MGAM: variants seen among roughly 807,000 people sequenced by gnomAD.
The protein encoded by MGAM is maltase-glucoamylase, also known as alpha-1,4-glucosidase.
MGAM carries 253 observed loss-of-function variants against 358.8 expected under a neutral mutation model. That is an observed-to-expected ratio of 0.71 (90% CI 0.64 to 0.78). MGAM has a LOEUF of 0.78. Among genes scored for constraint, MGAM ranks in the 30% least tolerant of loss-of-function variants. MGAM has a pLI of 0.00. For missense variants in MGAM, 3,080 were observed against 3,432.6 expected, an observed-to-expected ratio of 0.90 and a Z score of 2.57; for synonymous variants, 1,105 against 1,227.1, an observed-to-expected ratio of 0.90 and a Z score of 2.08.
At chr7:142,067,983 TA>T (rs1287498711) in intron 42 of MGAM, among the ~76,000 whole-genome samples, 1 of 5,362 alleles carries the variant, frequency 1.9e-4, no homozygotes, top group African/African-American at 2.9e-4. Context: ...TATATATATA[TA>T]TATTTTTTTT....
At chr7:142,027,550 C>A in intron 9 of MGAM, 60 bp from the exon 10 acceptor site, 4 of 1,590,400 alleles carry the variant, frequency 2.5e-6, no homozygotes, top group Non-Finnish European at 2.6e-6. Context: ...AGCAATGCTT[C>A]GAAAAATTTT....
intron 63 of MGAM, 66 bp from the exon 64 acceptor site, chr7:142,095,499 G>A: frequency 6.2e-7 from 1 of 1,606,322 alleles, no homozygotes; most frequent in South Asian, 1.1e-5. Context: ...TATGCTTTCA[G>A]TGACCTTCTT....
At chr7:142,096,972 A>G (rs111621474) in intron 65 of MGAM, among the ~76,000 whole-genome samples, 37,809 of 149,392 alleles carry the variant, frequency 0.25, 5,651 homozygotes, top group Non-Finnish European at 0.33. Flanking sequence ...TCTGTCATCC[A>G]GGCTGGAGTG....
intron 17 of MGAM, among the ~76,000 whole-genome samples, 189 bp from the exon 18 acceptor site, chr7:142,036,634 T>A (rs1808018430): frequency 6.6e-6 from 1 of 152,218 alleles, no homozygotes; most frequent in South Asian, 2.1e-4. Context: ...TCTTAAAGAA[T>A]GAGGAAGGCA....
At chr7:142,038,487 T>G (rs1295462044) in intron 18 of MGAM, 44 bp from the exon 19 acceptor site, 2 of 1,438,680 alleles carry the variant, frequency 1.4e-6, no homozygotes, top group African/African-American at 2.8e-5. Context: ...CAAATCTCAT[T>G]GGCAGTGGCT....
chr7:142,021,783 G>A (rs1806484605), intron 6 of MGAM, 46 bp downstream of exon 6: 2 of 1,597,732 alleles, frequency 1.3e-6, no homozygotes, highest in Non-Finnish European at 8.6e-7. Context: ...GAAGGTTACA[G>A]GGAGGTCTGT....
intron 46 of MGAM, 65 bp downstream of exon 46, chr7:142,076,317 T>G: frequency 7.5e-7 from 1 of 1,325,090 alleles, no homozygotes; most frequent in South Asian, 1.2e-5. Context: ...ACATCTGTGC[T>G]TGTGTATATG....
Position 142,103,368 on chromosome 7 carries a change from G to T in MGAM, c.8113G>T (p.Val2705Phe). ...IEIWGVGSVP[V>F]TSVSISVSGM... Reference sequence around the variant, plus strand: ...AATCTGGGGAGTGGGCAGTGTCCCCGTTACCAGTGTCAGCATCTCTGTGAG... The same window carrying T: ...AATCTGGGGAGTGGGCAGTGTCCCCTTTACCAGTGTCAGCATCTCTGTGAG... Residue 2705 changes from valine (V) to phenylalanine (F), a missense_variant, in exon 70 of 71, where the codon GTT becomes TTT. Transcript: ENST00000475668. 6.2e-7 allele frequency: 1 copy of T among 1,613,046 alleles called. No homozygotes were observed. The highest frequency in any genetic ancestry group is 8.5e-7 in the Non-Finnish European group (1 of 1,179,510).
At chr7:142,090,672 C>G (rs1322490230) in intron 57 of MGAM, among the ~76,000 whole-genome samples, 1 of 145,948 alleles carries the variant, frequency 6.9e-6, no homozygotes, top group African/African-American at 2.4e-5. Context: ...AGTCCTCATT[C>G]TGTTGCCTCC....
At chr7:142,079,062 CTT>C in intron 49 of MGAM, 54 bp downstream of exon 49, 1 of 1,415,858 alleles carries the variant, frequency 7.1e-7, no homozygotes, top group Non-Finnish European at 9.8e-7. Flanking sequence ...GTTCCATTAT[CTT>C]TTTCTGGTTC....
intron 1 of MGAM, among the ~76,000 whole-genome samples, chr7:142,000,346 A>C (rs944537595): frequency 2.0e-5 from 3 of 152,144 alleles, no homozygotes; most frequent in African/African-American, 4.8e-5. Context: ...TTTGCTAGAA[A>C]TTTCCATAGT....
In MGAM at chr7:142,021,683, T is replaced by C. The variant is rs782477644; in HGVS notation, c.656T>C (p.Ile219Thr). The C allele has an allele frequency of 6.2e-7, 1 of 1,613,896 alleles. No homozygotes were observed. The highest frequency in any genetic ancestry group is 1.1e-5 in the South Asian group (1 of 91,080). The change falls in exon 6 of 71, where the codon ATC becomes ACC. Residue 219 changes from isoleucine (I) to threonine (T), a missense_variant. Physicochemically the swap from Ile to Thr is moderately conservative, Grantham distance 89. Coordinates refer to ENST00000475668, the MANE Select transcript of MGAM (RefSeq NM_001365693.1). The part of the protein sequence containing the change: ...AAASLTYQVE[I>T]SRQPFSIKVT... The stretch of plus-strand genomic sequence containing the variant: ...GCTTCTTTGACCTACCAAGTTGAAA[T>C]CTCCAGACAGCCATTTAGCATCAAA...
chr7:142,051,691 C>T (rs1258858486), intron 24 of MGAM, among the ~76,000 whole-genome samples: 1 of 151,558 alleles, frequency 6.6e-6, no homozygotes, highest in East Asian at 1.9e-4. Flanking sequence ...AATTGAAACC[C>T]AAAGAAATGA....
At chr7:142,023,473 G>A (rs781044664) in intron 7 of MGAM, among the ~76,000 whole-genome samples, 9 of 151,884 alleles carry the variant, frequency 5.9e-5, no homozygotes, top group Non-Finnish European at 1.2e-4. Flanking sequence ...ACATGTTTGT[G>A]TATATATATC....
chr7:142,018,402 C>G (rs949757468), intron 3 of MGAM, among the ~76,000 whole-genome samples: 6 of 152,202 alleles, frequency 3.9e-5, no homozygotes, highest in African/African-American at 1.2e-4. Context: ...AGAGAGCAAG[C>G]AAGACAGAAA....
chr7:142,078,197 G>A lies in MGAM; in HGVS notation c.5494-121G>A, dbSNP rs1432810747. The A allele has an allele frequency of 1.0e-5, 8 of 798,388 alleles. 2 individuals carry two copies. In the East Asian group the frequency reaches 2.2e-4, roughly 22 times the overall value. 49.5% of individuals were successfully genotyped at this position (798,388 alleles called of 1,614,324 possible). A position where few individuals can be genotyped will look rare whatever the true frequency, so the allele number is the denominator to read the frequency against. On this transcript the variant is annotated intron_variant, in intron 47 of 70. Coordinates refer to ENST00000475668, the MANE Select transcript of MGAM (RefSeq NM_001365693.1). ...AGCTAAAGTGATATGTTGCTTGGAT[G>A]GTTGAAAGTCTGGACTGATGTCTAT...
At chr7:142,095,087 C>T (rs1815774125) in intron 63 of MGAM, among the ~76,000 whole-genome samples, 1 of 152,138 alleles carries the variant, frequency 6.6e-6, no homozygotes, top group South Asian at 2.1e-4. Flanking sequence ...CTACCTCAGC[C>T]TCTTGAATAG....
intron 2 of MGAM, among the ~76,000 whole-genome samples, chr7:141,986,983 T>A (rs1160599978): frequency 6.6e-6 from 1 of 152,184 alleles, no homozygotes; most frequent in African/African-American, 2.4e-5. Flanking sequence ...GGAGGACAAC[T>A]TTTTGCTCAT....
chr7:141,999,845 A>G (rs1804594119), intron 1 of MGAM, among the ~76,000 whole-genome samples: 1 of 152,132 alleles, frequency 6.6e-6, no homozygotes, highest in Admixed American at 6.5e-5. Context: ...TTGAGATAGG[A>G]AGCTTCACCA....
Sources: allele counts gnomAD v4.1 joint callset (sites outside exome capture counted in the v4.1 genomes callset), GRCh38; gene constraint gnomAD v4.1.1; transcripts MANE v1.5; gene names NCBI Gene and HGNC (gene_info 2026-07-23, HGNC 2026-07-21).